Variants in SLC35F1 observed in about 807,000 individuals in gnomAD.
SLC35F1 encodes the protein solute carrier family 35 member F1, also known as chromosome 6 open reading frame 169.
In SLC35F1, 14 loss-of-function variants were observed where a neutral mutation model predicts 48.7. The ratio of observed to expected loss-of-function variants is 0.29; its 90% CI spans 0.19 to 0.45. The LOEUF (loss-of-function observed/expected upper bound fraction) is 0.45. SLC35F1 is among the 20% of genes least tolerant of loss of function. SLC35F1 has a pLI of 1.00. For synonymous variants in SLC35F1, 190 were observed against 202.2 expected (o/e 0.94, Z 0.51); for missense variants, 404 against 500.0 (o/e 0.81, Z 1.83).
At chr6:117,959,051 C>T (rs892636014) in intron 1 of SLC35F1, among the ~76,000 whole-genome samples, 3 of 152,168 alleles carry the variant, frequency 2.0e-5, no homozygotes, top group Admixed American at 2.0e-4. Flanking sequence ...TTCCAACTTC[C>T]ACGTGCTTGT....
At chr6:118,009,188 G>T (rs994901299) in intron 1 of SLC35F1, among the ~76,000 whole-genome samples, 14 of 152,048 alleles carry the variant, frequency 9.2e-5, no homozygotes, top group African/African-American at 3.4e-4. Context: ...CTCACACTTG[G>T]GATACCATAG....
chr6:118,076,822 C>T (rs1772828899), intron 1 of SLC35F1, among the ~76,000 whole-genome samples: 1 of 152,018 alleles, frequency 6.6e-6, no homozygotes, highest in African/African-American at 2.4e-5. Context: ...TAGTAGGCAG[C>T]ATTGATTTTT....
At chr6:118,273,139 G>C (rs1438102607) in intron 4 of SLC35F1, among the ~76,000 whole-genome samples, 1 of 152,012 alleles carries the variant, frequency 6.6e-6, no homozygotes, top group Non-Finnish European at 1.5e-5. Flanking sequence ...AAATTGTGTT[G>C]TGATGATCAA....
At position 118,297,607 on chromosome 6, in the gene SLC35F1, T is replaced by C. The variant is rs1199134485; in HGVS notation, c.1002+12269T>C. On this transcript the variant is annotated intron_variant, in intron 7 of 7. Transcript: ENST00000360388. ...AAGGATAATTCTATCCTAAGTTGCA[T>C]TTTTTTCTCAGAACTTATATATATA... Among the ~76,000 whole-genome samples, 8 of 138,946 alleles carry C rather than the reference T, an allele frequency of 5.8e-5. No individual in the cohort carries two copies. In the East Asian group the frequency reaches 1.4e-3, roughly 24 times the overall value. The allele number at this position is 138,946 out of a possible 152,430, so 91.2% of individuals were successfully genotyped here.
At chr6:118,129,722 C>A (rs1773682465) in intron 1 of SLC35F1, among the ~76,000 whole-genome samples, 1 of 152,042 alleles carries the variant, frequency 6.6e-6, no homozygotes, top group South Asian at 2.1e-4. Flanking sequence ...AAATGGAAGT[C>A]CTTACCTTAA....
At chr6:118,090,190 CA>C (rs768977398) in intron 1 of SLC35F1, among the ~76,000 whole-genome samples, 31 of 152,262 alleles carry the variant, frequency 2.0e-4, no homozygotes, top group Middle Eastern at 3.4e-3. Flanking sequence ...AGAGCTTTGG[CA>C]TATGGAAGCT....
intron 1 of SLC35F1, among the ~76,000 whole-genome samples, chr6:118,105,935 C>A (rs1773321686): frequency 6.6e-6 from 1 of 152,160 alleles, no homozygotes; most frequent in African/African-American, 2.4e-5. Flanking sequence ...TACTTGGCAA[C>A]TTTCCTGCTT....
intron 7 of SLC35F1, among the ~76,000 whole-genome samples, chr6:118,305,880 G>A (rs1384046725): frequency 2.0e-5 from 3 of 152,106 alleles, no homozygotes; most frequent in Non-Finnish European, 4.4e-5. Context: ...GTATTCCCTG[G>A]TCATGGTTAT....
Position 118,033,822 on chromosome 6 carries a change from C to T in SLC35F1, c.174-120623C>T, listed in dbSNP as rs566928661. ...ACTATGCTGGAGTGATTGATTTACT[C>T]AGTGAATAAGCATTTAGATCTCTTC... On this transcript the variant is annotated intron_variant, in intron 1 of 7. Transcript: ENST00000360388. Among the ~76,000 whole-genome samples the T allele has an allele frequency of 1.1e-3, 162 of 152,302 alleles. 1 individual carries two copies. The highest frequency in any genetic ancestry group is 3.4e-3 in the Middle Eastern group (1 of 294).
chr6:118,027,914 A>T (rs1554222915), intron 1 of SLC35F1, among the ~76,000 whole-genome samples: 1 of 152,024 alleles, frequency 6.6e-6, no homozygotes, highest in Non-Finnish European at 1.5e-5. Context: ...TTTGTATCCT[A>T]TCTAAGAGTT....
At chr6:118,254,567 C>A (rs1245108018) in intron 3 of SLC35F1, among the ~76,000 whole-genome samples, 1 of 152,142 alleles carries the variant, frequency 6.6e-6, no homozygotes. Context: ...ATGTGAGCCA[C>A]CACACCCAGC....
At chr6:118,237,960 A>G (rs1177110350) in intron 3 of SLC35F1, among the ~76,000 whole-genome samples, 1 of 152,212 alleles carries the variant, frequency 6.6e-6, no homozygotes, top group Admixed American at 6.5e-5. Flanking sequence ...TATGTATATC[A>G]ACATTCATTA....
intron 7 of SLC35F1, among the ~76,000 whole-genome samples, chr6:118,309,973 G>A (rs1265603482): frequency 1.3e-5 from 2 of 152,204 alleles, no homozygotes; most frequent in Non-Finnish European, 2.9e-5. Flanking sequence ...CTTCTGACCT[G>A]TGTTCTCAAA....
chr6:118,053,311 G>A (rs1312315928), intron 1 of SLC35F1, among the ~76,000 whole-genome samples: 2 of 152,062 alleles, frequency 1.3e-5, no homozygotes, highest in Non-Finnish European at 2.9e-5. Context: ...AAAAATGAGG[G>A]TATGTGATAA....
chr6:118,014,504 T>C lies in SLC35F1; in HGVS notation c.173+106605T>C, dbSNP rs933171641. Among the ~76,000 whole-genome samples the C allele has an allele frequency of 3.3e-5, 5 of 152,146 alleles. No homozygotes were observed. The South Asian group carries it at 1.0e-3, about 32-fold the overall frequency. The stretch of plus-strand genomic sequence containing the variant: ...TGTACACTGGGAATAAATTGTGGTA[T>C]TCAGATTTTGAAACCCAAGCTCACA... On this transcript the variant is annotated intron_variant, in intron 1 of 7. Transcript: ENST00000360388.
chr6:118,294,585 G>A (rs1776161512), intron 7 of SLC35F1, among the ~76,000 whole-genome samples: 2 of 152,122 alleles, frequency 1.3e-5, no homozygotes, highest in African/African-American at 4.8e-5. Context: ...ATGAGAACAT[G>A]TTATTTTCGT....
chr6:118,028,723 A>G (rs1771994170), intron 1 of SLC35F1, among the ~76,000 whole-genome samples: 1 of 152,078 alleles, frequency 6.6e-6, no homozygotes, highest in Non-Finnish European at 1.5e-5. Context: ...AGATAATTCC[A>G]ACATTTAGAG....
chr6:118,103,172 A>G (rs1051992201), intron 1 of SLC35F1, among the ~76,000 whole-genome samples: 1 of 152,184 alleles, frequency 6.6e-6, no homozygotes, highest in African/African-American at 2.4e-5. Context: ...CATCAACCTT[A>G]AAAGTTGATG....
intron 7 of SLC35F1, among the ~76,000 whole-genome samples, chr6:118,303,862 C>T (rs965980133): frequency 6.6e-6 from 1 of 152,142 alleles, no homozygotes; most frequent in Non-Finnish European, 1.5e-5. Flanking sequence ...CCTTAAAGGC[C>T]CTGTCTCCAA....
Sources: gnomAD v4.1 joint callset for allele counts (sites outside exome capture counted in the v4.1 genomes callset) on GRCh38, gnomAD v4.1.1 for gene constraint, MANE v1.5 for transcripts, NCBI Gene and HGNC (gene_info 2026-07-23, HGNC 2026-07-21) for gene names.